SLC44A1: variants seen among roughly 807,000 people sequenced by gnomAD.
SLC44A1 encodes solute carrier family 44 member 1.
Under a neutral mutation model 79.3 loss-of-function variants are expected in SLC44A1, and 26 were observed. The ratio of observed to expected loss-of-function variants is 0.33; its 90% confidence interval spans 0.24 to 0.46. The LOEUF (loss-of-function observed/expected upper bound fraction) is 0.46. SLC44A1 is among the 20% of genes least tolerant of loss of function. The probability of loss-of-function intolerance (pLI) is 1.00; values close to 1 mark genes in which losing one functional copy is unlikely to be tolerated. For synonymous variants in SLC44A1, 263 were observed against 286.2 expected (o/e 0.92, Z 0.82); for missense variants, 688 against 798.1 (o/e 0.86, Z 1.66).
chr9:105,381,036 C>T (rs1209813085), intron 13 of SLC44A1, among the ~76,000 whole-genome samples: 1 of 152,216 alleles, frequency 6.6e-6, no homozygotes, highest in Non-Finnish European at 1.5e-5. Flanking sequence ...AATATCTAAA[C>T]TTCCATCTCA....
At chr9:105,306,680 A>G (rs947196240) in intron 2 of SLC44A1, among the ~76,000 whole-genome samples, 1 of 151,796 alleles carries the variant, frequency 6.6e-6, no homozygotes, top group East Asian at 1.9e-4. Flanking sequence ...TTTACAATTT[A>G]TACCCCTGCC....
chr9:105,406,610 C>T (rs1205827455), intron 15 of SLC44A1, among the ~76,000 whole-genome samples: 3 of 152,054 alleles, frequency 2.0e-5, no homozygotes, highest in Non-Finnish European at 4.4e-5. Context: ...AACATGGTGG[C>T]GTGCATCTGT....
At chr9:105,378,376 C>T (rs1307219087) in intron 13 of SLC44A1, among the ~76,000 whole-genome samples, 1 of 152,146 alleles carries the variant, frequency 6.6e-6, no homozygotes, top group Non-Finnish European at 1.5e-5. Context: ...ACTGTTGTGT[C>T]ATTTATTTAA....
At chr9:105,431,724 T>C (rs1487663854) in intron 15 of SLC44A1, among the ~76,000 whole-genome samples, 1 of 152,192 alleles carries the variant, frequency 6.6e-6, no homozygotes, top group African/African-American at 2.4e-5. Flanking sequence ...ATCTGAAGCC[T>C]AGTAATTTTT....
chr9:105,378,094 A>G (rs973539595), intron 13 of SLC44A1, among the ~76,000 whole-genome samples: 15 of 152,210 alleles, frequency 9.9e-5, no homozygotes, highest in African/African-American at 3.1e-4. Context: ...CTGAAAATAC[A>G]AAAATTAGCC....
At chr9:105,255,603 A>G (rs1274629153) in intron 1 of SLC44A1, among the ~76,000 whole-genome samples, 3 of 152,222 alleles carry the variant, frequency 2.0e-5, no homozygotes, top group Admixed American at 6.5e-5. Context: ...CTCATTGCCA[A>G]CTAAATGGTC....
In SLC44A1 at chr9:105,416,641, C is replaced by T. The variant is rs1377826202; in HGVS notation, c.1951-21640C>T. Among the ~76,000 whole-genome samples the T allele has an allele frequency of 2.6e-5, 4 of 152,144 alleles. No individual in the cohort carries two copies. The East Asian group carries it at 7.7e-4, about 29-fold the overall frequency. On this transcript the variant is annotated intron_variant, in intron 15 of 15. Transcript: ENST00000374724. Reference sequence around the variant, plus strand: ...TGAAATAGCATTTGCGGCATATGCACTTGGAAAGCAGTAACCTCCAAATAA... The same window carrying T: ...TGAAATAGCATTTGCGGCATATGCATTTGGAAAGCAGTAACCTCCAAATAA...
At chr9:105,370,891 A>C (rs1828077761) in intron 12 of SLC44A1, among the ~76,000 whole-genome samples, 2 of 152,224 alleles carry the variant, frequency 1.3e-5, no homozygotes, top group African/African-American at 4.8e-5. Flanking sequence ...GATTCTAGAC[A>C]TTATGAAGCT....
intron 12 of SLC44A1, among the ~76,000 whole-genome samples, chr9:105,373,122 A>G (rs552758385): frequency 1.4e-4 from 21 of 152,336 alleles, no homozygotes; most frequent in African/African-American, 4.8e-4. Flanking sequence ...ACAAGCTTAT[A>G]ATTAGAATAT....
At chr9:105,404,753 G>A (rs926037212) in intron 15 of SLC44A1, among the ~76,000 whole-genome samples, 4 of 152,192 alleles carry the variant, frequency 2.6e-5, no homozygotes, top group Non-Finnish European at 5.9e-5. Flanking sequence ...ACAAAGGTTT[G>A]GCACTATGGA....
rs2771043 is a variant in SLC44A1, at chr9:105,382,787, T to A, written c.1633-336T>A. On this transcript the variant is annotated intron_variant, in intron 13 of 15. Coordinates refer to ENST00000374720, the MANE Select transcript of SLC44A1 (RefSeq NM_080546.5). Reference sequence around the variant, plus strand: ...CACTTTTTTTCTGAGTGCTAAGAGTTTGTAAATTTTTTCTAAAATATGCAT... The same window carrying A: ...CACTTTTTTTCTGAGTGCTAAGAGTATGTAAATTTTTTCTAAAATATGCAT... Among the ~76,000 whole-genome samples the A allele has an allele frequency of 9.2e-5, 14 of 152,250 alleles. No individual in the cohort carries two copies. In the East Asian group the frequency reaches 2.5e-3, roughly 27 times the overall value.
At chr9:105,322,872 AAATG>A (rs1826437839) in intron 3 of SLC44A1, among the ~76,000 whole-genome samples, 1 of 152,196 alleles carries the variant, frequency 6.6e-6, no homozygotes, top group Non-Finnish European at 1.5e-5. Context: ...TCAATATTAT[AAATG>A]AATATTATAC....
In SLC44A1 at chr9:105,390,352, AAAG is replaced by A; in HGVS notation, c.*1297_*1299del. On this transcript the variant is annotated 3_prime_UTR_variant, in exon 16 of 16. Transcript: ENST00000374720. ...CCTTTTTGTTACAATTTTTTTAAAAAAAGCTATTTTTGTTAATGTAAAGTAAAT... is the reference window on the plus strand; with the variant it reads ...CCTTTTTGTTACAATTTTTTTAAAAACTATTTTTGTTAATGTAAAGTAAAT... 2 of 980,026 alleles carry A rather than the reference AAAG, an allele frequency of 2.0e-6. No individual in the cohort carries two copies. Among genetic ancestry groups the A allele is most frequent in the Non-Finnish European group, 2.4e-6 (2 of 824,574 alleles). 60.7% of individuals were successfully genotyped at this position (980,026 alleles called of 1,614,324 possible).
chr9:105,438,254 A>G, intron 15 of SLC44A1: 2 of 1,547,952 alleles, frequency 1.3e-6, no homozygotes, highest in Non-Finnish European at 1.7e-6. Context: ...GGACAGAAGC[A>G]TTCATTTTCT....
intron 15 of SLC44A1, among the ~76,000 whole-genome samples, chr9:105,435,878 G>A (rs369449530): frequency 6.6e-6 from 1 of 152,208 alleles, no homozygotes; most frequent in Non-Finnish European, 1.5e-5. Flanking sequence ...CAACTTTTCT[G>A]TAAACCTAAA....
chr9:105,414,425 T>C (rs1326481373), intron 15 of SLC44A1, among the ~76,000 whole-genome samples: 2 of 152,252 alleles, frequency 1.3e-5, no homozygotes, highest in Non-Finnish European at 2.9e-5. Context: ...TAAGAATGCA[T>C]GCTCCCTCAG....
chr9:105,309,093 T>C (rs951428439), intron 2 of SLC44A1, among the ~76,000 whole-genome samples: 1 of 152,242 alleles, frequency 6.6e-6, no homozygotes, highest in African/African-American at 2.4e-5. Context: ...TGCTTCACGA[T>C]GTAATTCTTT....
At chr9:105,297,698 GA>G (rs1466975618) in intron 1 of SLC44A1, among the ~76,000 whole-genome samples, 2 of 152,094 alleles carry the variant, frequency 1.3e-5, no homozygotes, top group South Asian at 4.1e-4. Flanking sequence ...TACATATTAA[GA>G]AAAGAATCTG....
chr9:105,306,692 A>G (rs1215815261), intron 2 of SLC44A1, among the ~76,000 whole-genome samples: 2 of 151,910 alleles, frequency 1.3e-5, no homozygotes, highest in Non-Finnish European at 2.9e-5. Context: ...ACCCCTGCCT[A>G]CATCCGAGAG....
Sources: gnomAD v4.1 joint callset for allele counts (sites outside exome capture counted in the v4.1 genomes callset) on GRCh38, gnomAD v4.1.1 for gene constraint, MANE v1.5 for transcripts, NCBI Gene and HGNC (gene_info 2026-07-23, HGNC 2026-07-21) for gene names.